The following PBX1 variants were observed in gnomAD, a reference collection of about 807,000 sequenced individuals.
The protein encoded by PBX1 is pre-B-cell leukemia transcription factor 1.
In PBX1, 6 loss-of-function variants were observed where a neutral mutation model predicts 53.4. The observed-to-expected ratio is 0.11, with a 90% CI of 0.06 to 0.22. PBX1 has a LOEUF of 0.22. Among genes scored for constraint, PBX1 ranks in the 10% least tolerant of loss-of-function variants. The pLI is 1.00. For missense variants in PBX1, 251 were observed against 551.4 expected (o/e 0.46, Z 5.46); for synonymous variants, 204 against 212.3 (o/e 0.96, Z 0.34).
intron 2 of PBX1, among the ~76,000 whole-genome samples, chr1:164,760,790 C>A (rs573816178): frequency 1.2e-4 from 18 of 152,212 alleles, no homozygotes; most frequent in Admixed American, 2.6e-4. Context: ...TGAGATTTGT[C>A]TTTTTGTCTC....
intron 2 of PBX1, among the ~76,000 whole-genome samples, chr1:164,874,349 A>G (rs563185110): frequency 1.3e-5 from 2 of 152,234 alleles, no homozygotes; most frequent in East Asian, 3.9e-4. Flanking sequence ...CTTAGATTAT[A>G]TTTTATGTAA....
intron 5 of PBX1, among the ~76,000 whole-genome samples, chr1:164,808,621 T>C (rs1340675525): frequency 6.6e-6 from 1 of 152,204 alleles, no homozygotes; most frequent in Non-Finnish European, 1.5e-5. Context: ...TGCTCTTTTA[T>C]ATAAACTAAG....
At chr1:164,783,555 G>T (rs1668030450) in intron 2 of PBX1, among the ~76,000 whole-genome samples, 1 of 152,132 alleles carries the variant, frequency 6.6e-6, no homozygotes, top group Admixed American at 6.5e-5. Context: ...CAGTGAGATT[G>T]ATTCAGATTT....
intron 2 of PBX1, among the ~76,000 whole-genome samples, chr1:164,767,464 G>A (rs1175550063): frequency 2.6e-5 from 4 of 152,268 alleles, no homozygotes; most frequent in Non-Finnish European, 5.9e-5. Context: ...GGGGCCCGGA[G>A]AGGAGGAGTG....
At position 164,849,155 on chromosome 1, in the gene PBX1, T is replaced by C. The variant is rs550210083; in HGVS notation, c.*2479T>C. 1 of 1,395,270 alleles carries C rather than the reference T, an allele frequency of 7.2e-7. No individual in the cohort carries two copies. Among genetic ancestry groups the C allele is most frequent in the African/African-American group, 1.4e-5 (1 of 69,278 alleles). 86.4% of individuals were successfully genotyped at this position (1,395,270 alleles called of 1,614,324 possible). ...GTACGAAAGAGAGACAAAAGGGTTC[T>C]CTTGGAAACAAGAAGAGTGACTCCA... is the stretch of plus-strand genomic sequence containing the variant. On this transcript the variant is annotated 3_prime_UTR_variant, in exon 9 of 9. Coordinates refer to ENST00000420696, the MANE Select transcript of PBX1 (RefSeq NM_002585.4).
In PBX1 at chr1:164,848,442, A is replaced by T. The variant is rs41266620; in HGVS notation, c.*1766A>T. ...GATTTTGTTCATATCCAATCTGTAAATGCGAAGTCAGGGGAAGTAATGTCC... is the reference window on the plus strand; with the variant it reads ...GATTTTGTTCATATCCAATCTGTAATTGCGAAGTCAGGGGAAGTAATGTCC... On this transcript the variant is annotated 3_prime_UTR_variant, in exon 9 of 9. Coordinates refer to ENST00000420696, the MANE Select transcript of PBX1 (RefSeq NM_002585.4). 17,842 of 1,056,136 alleles carry T rather than the reference A, an allele frequency of 0.017. 187 individuals are homozygous for T. Among genetic ancestry groups the T allele is most frequent in the Non-Finnish European group, 0.019 (16,423 of 873,512 alleles). The allele number at this position is 1,056,136 out of a possible 1,614,324, so 65.4% of individuals were successfully genotyped here. A position where few individuals can be genotyped will look rare whatever the true frequency, so the allele number is the denominator to read the frequency against.
chr1:164,701,890 C>G (rs79687714), intron 2 of PBX1, among the ~76,000 whole-genome samples: 3,150 of 152,188 alleles, frequency 0.021, 105 homozygotes, highest in African/African-American at 0.073. Context: ...TGACATATGA[C>G]TGAGACCCAC....
chr1:164,567,685 G>A (rs1653533039), intron 2 of PBX1, among the ~76,000 whole-genome samples: 1 of 152,134 alleles, frequency 6.6e-6, no homozygotes, highest in Non-Finnish European at 1.5e-5. Flanking sequence ...TTTCTTTTTA[G>A]TCACTTTTGT....
intron 2 of PBX1, among the ~76,000 whole-genome samples, chr1:164,695,048 G>C (rs1325130245): frequency 6.6e-6 from 1 of 152,148 alleles, no homozygotes; most frequent in African/African-American, 2.4e-5. Flanking sequence ...CTGCAGTCCT[G>C]AATCTCAAAA....
At chr1:164,783,712 G>T (rs1175959189) in intron 2 of PBX1, among the ~76,000 whole-genome samples, 1 of 152,102 alleles carries the variant, frequency 6.6e-6, no homozygotes, top group Non-Finnish European at 1.5e-5. Flanking sequence ...GACACCCAAG[G>T]CCTGTTTTAG....
chr1:164,779,403 A>G (rs895115916), intron 2 of PBX1, among the ~76,000 whole-genome samples: 2 of 152,094 alleles, frequency 1.3e-5, no homozygotes, highest in African/African-American at 2.4e-5. Flanking sequence ...TTGGAGTAGC[A>G]ATGTTGGCAA....
chr1:164,681,291 T>C (rs976584657), intron 2 of PBX1, among the ~76,000 whole-genome samples: 5 of 152,174 alleles, frequency 3.3e-5, no homozygotes, highest in African/African-American at 9.7e-5. Context: ...CTTTTTTCCT[T>C]TGTGCTCAGG....
At chr1:164,659,274 A>G (rs1397023045) in intron 2 of PBX1, among the ~76,000 whole-genome samples, 3 of 152,208 alleles carry the variant, frequency 2.0e-5, no homozygotes, top group African/African-American at 7.2e-5. Context: ...GTGAAATACC[A>G]TTTGGAATTC....
At chr1:164,629,851 G>C (rs1658295946) in intron 2 of PBX1, among the ~76,000 whole-genome samples, 1 of 152,084 alleles carries the variant, frequency 6.6e-6, no homozygotes, top group Non-Finnish European at 1.5e-5. Context: ...TTTGATCAAA[G>C]GTAGGAGTTT....
chr1:164,583,114 T>G (rs1235652936), intron 2 of PBX1, among the ~76,000 whole-genome samples: 1 of 152,184 alleles, frequency 6.6e-6, no homozygotes, highest in East Asian at 1.9e-4. Context: ...TTACTGGGAA[T>G]AAACATGTAT....
At chr1:164,595,198 G>T (rs1239971177) in intron 2 of PBX1, among the ~76,000 whole-genome samples, 1 of 152,170 alleles carries the variant, frequency 6.6e-6, no homozygotes, top group Admixed American at 6.5e-5. Flanking sequence ...TGGGATTTCT[G>T]CTTTGCAAAG....
intron 2 of PBX1, among the ~76,000 whole-genome samples, chr1:164,569,814 G>T (rs1653718800): frequency 6.6e-6 from 1 of 152,020 alleles, no homozygotes; most frequent in South Asian, 2.1e-4. Flanking sequence ...GCCTGCCTCG[G>T]CCTCCCAGTG....
intron 6 of PBX1, chr1:164,814,919 A>G (rs1193238293): frequency 6.6e-6 from 1 of 152,068 alleles, no homozygotes; most frequent in Non-Finnish European, 1.5e-5. Context: ...TTTTTAAATC[A>G]CTTAAGACTA....
chr1:164,864,722 T>C (rs1672177665), intron 2 of PBX1, among the ~76,000 whole-genome samples: 1 of 152,156 alleles, frequency 6.6e-6, no homozygotes, highest in South Asian at 2.1e-4. Context: ...AATGGCCAAG[T>C]TCCCCTTGGC....
Sources: allele counts gnomAD v4.1 joint callset (sites outside exome capture counted in the v4.1 genomes callset), GRCh38; gene constraint gnomAD v4.1.1; transcripts MANE v1.5; gene names NCBI Gene and HGNC (gene_info 2026-07-23, HGNC 2026-07-21).